The following ZNF883 variants were observed in gnomAD, a reference collection of about 807,000 sequenced individuals.
ZNF883 encodes zinc finger protein 883.
downstream of ZNF883, among the ~76,000 whole-genome samples, chr9:112,995,508 TC>T (rs1828342522): frequency 1.3e-5 from 2 of 151,674 alleles, no homozygotes; most frequent in African/African-American, 4.8e-5. Context: ...TTTCCTCCCT[TC>T]CTTCCTCTCT....
exon 1 of ZNF883, chr9:112,997,152 T>A (rs1351628138): frequency 1.2e-6 from 2 of 1,608,492 alleles, no homozygotes; most frequent in African/African-American, 2.7e-5. Context: ...CTGAAATGAG[T>A]TTTCTGATGT....
chr9:112,997,394 C>T (rs777062427), exon 1 of ZNF883: 4 of 1,613,964 alleles, frequency 2.5e-6, no homozygotes, highest in African/African-American at 1.3e-5. Context: ...GGGTTTCACA[C>T]AAGAATGAAT....
intron 2 of ZNF883, among the ~76,000 whole-genome samples, chr9:113,010,650 A>G (rs1361599390): frequency 2.0e-5 from 3 of 152,184 alleles, no homozygotes; most frequent in Non-Finnish European, 4.4e-5. Flanking sequence ...TCAAAACAAC[A>G]TGTTACACAT....
At chr9:112,997,554 G>A (rs1309485260) in exon 1 of ZNF883, 4 of 1,614,002 alleles carry the variant, frequency 2.5e-6, no homozygotes, top group Admixed American at 3.3e-5. Flanking sequence ...CACTCATAGG[G>A]TTTTTCTCCA....
chr9:113,007,514 T>C (rs62575132), intron 2 of ZNF883, among the ~76,000 whole-genome samples: 11,854 of 152,290 alleles, frequency 0.078, 589 homozygotes, highest in Non-Finnish European at 0.11. Flanking sequence ...CAACTCATAA[T>C]GATCCCTGTA....
At chr9:113,004,502 G>C (rs1462607463) in intron 2 of ZNF883, among the ~76,000 whole-genome samples, 1 of 151,944 alleles carries the variant, frequency 6.6e-6, no homozygotes, top group East Asian at 1.9e-4. Flanking sequence ...GATGATGGAG[G>C]CCTCACCAAT....
intron 1 of ZNF883, 92 bp downstream of exon 1, chr9:113,012,058 C>CCT (rs1232891001): frequency 6.6e-6 from 1 of 152,354 alleles, no homozygotes; most frequent in Non-Finnish European, 1.5e-5. Flanking sequence ...CATTCTCAGG[C>CCT]CTCTCCCGAC....
At chr9:112,996,607 C>G (rs375070540), downstream of ZNF883, among the ~76,000 whole-genome samples, 1 of 149,856 alleles carries the variant, frequency 6.7e-6, no homozygotes, top group African/African-American at 2.5e-5. Flanking sequence ...CTGGCTAACA[C>G]GGTGAAACCC....
At chr9:112,989,568 T>C (rs1828282311) in intron 1 of ZNF883, among the ~76,000 whole-genome samples, 1 of 152,232 alleles carries the variant, frequency 6.6e-6, no homozygotes, top group South Asian at 2.1e-4. Flanking sequence ...GCCTCCAGCT[T>C]TGTTCTTTTT....
At chr9:113,005,518 T>A (rs980931517) in intron 2 of ZNF883, among the ~76,000 whole-genome samples, 1 of 152,220 alleles carries the variant, frequency 6.6e-6, no homozygotes, top group Non-Finnish European at 1.5e-5. Flanking sequence ...AGTACTGTTT[T>A]AAGTATTGGG....
upstream of ZNF883, among the ~76,000 whole-genome samples, chr9:112,999,454 C>T (rs988813175): frequency 1.3e-5 from 2 of 152,078 alleles, no homozygotes; most frequent in Non-Finnish European, 2.9e-5. Flanking sequence ...TACTCTAATT[C>T]CAACACTACC....
At chr9:112,997,898 C>T (rs866133945) in exon 1 of ZNF883, 2 of 1,613,784 alleles carry the variant, frequency 1.2e-6, no homozygotes, top group Non-Finnish European at 1.7e-6. Context: ...GGGTTTTTCT[C>T]CAGTATGGAT....
intron 2 of ZNF883, among the ~76,000 whole-genome samples, chr9:113,004,438 T>G (rs535102842): frequency 1.7e-4 from 26 of 152,272 alleles, no homozygotes; most frequent in African/African-American, 6.3e-4. Context: ...TGTTGAAATT[T>G]TAACCCCTGA....
intron 2 of ZNF883, among the ~76,000 whole-genome samples, chr9:113,006,761 CTCTT>C (rs983393330): frequency 4.6e-5 from 7 of 152,168 alleles, no homozygotes; most frequent in Admixed American, 3.9e-4. Context: ...TAATCTGTCT[CTCTT>C]CTTCTACAGC....
rs191142915 is a variant in ZNF883, at chr9:112,988,696, A to G, written n.310-5117T>C. Among the ~76,000 whole-genome samples, 4 of 152,288 alleles carry G rather than the reference A, an allele frequency of 2.6e-5. No individual in the cohort carries two copies. The East Asian group carries it at 7.7e-4, about 29-fold the overall frequency. ...AGTAATGGGATTGCTGAGTCAAATG[A>G]TATTTCTGGTCTGAGGTCTTTGAGG... On this transcript the variant is annotated intron_variant and non_coding_transcript_variant, in intron 1 of 9. Coordinates refer to the ZNF883 transcript ENST00000638823.
downstream of ZNF883, chr9:112,997,061 C>T: frequency 6.9e-7 from 1 of 1,459,004 alleles, no homozygotes; most frequent in Middle Eastern, 2.5e-4. Context: ...GTTGCTTGAA[C>T]TGTGAGTGCT....
At chr9:113,004,191 A>G (rs993916086) in intron 2 of ZNF883, among the ~76,000 whole-genome samples, 1 of 152,230 alleles carries the variant, frequency 6.6e-6, no homozygotes. Context: ...AAACCACCTG[A>G]AGCTAGGGAG....
downstream of ZNF883, among the ~76,000 whole-genome samples, chr9:112,993,596 T>A (rs928791272): frequency 1.3e-5 from 2 of 152,226 alleles, no homozygotes; most frequent in Non-Finnish European, 2.9e-5. Context: ...TGTGCTATGC[T>A]GGGTGGAATC....
chr9:112,998,288 T>A, upstream of ZNF883: 1 of 1,448,326 alleles, frequency 6.9e-7, no homozygotes, highest in East Asian at 2.4e-5. Context: ...TTACATTTAT[T>A]TATTTTTTCA....
Sources: allele counts gnomAD v4.1 joint callset (sites outside exome capture counted in the v4.1 genomes callset), GRCh38; gene constraint gnomAD v4.1.1; transcripts MANE v1.5; gene names NCBI Gene and HGNC (gene_info 2026-07-23, HGNC 2026-07-21).